The following CORIN variants were observed in gnomAD, a reference collection of about 807,000 sequenced individuals.
CORIN encodes the protein corin, serine peptidase, also known as atrial natriuretic peptide-converting enzyme.
A neutral mutation model predicts 125.3 loss-of-function variants in CORIN; 117 were observed. That is an observed-to-expected ratio of 0.93 (90% CI 0.80 to 1.09). CORIN has a LOEUF of 1.09. CORIN is among the 50% of genes least tolerant of loss of function. The probability of loss-of-function intolerance (pLI) is 0.00; values close to 1 mark genes in which losing one functional copy is unlikely to be tolerated. For missense variants in CORIN, 1,253 were observed against 1,306.7 expected, an observed-to-expected ratio of 0.96 and a Z score of 0.63; for synonymous variants, 450 against 466.4, an observed-to-expected ratio of 0.96 and a Z score of 0.45.
chr4:47,812,557 A>G (rs966606353), intron 1 of CORIN, among the ~76,000 whole-genome samples: 2 of 152,222 alleles, frequency 1.3e-5, no homozygotes, highest in South Asian at 2.1e-4. Context: ...AAAGGAAAGC[A>G]CTAGTTTCAG....
chr4:47,603,606 A>G lies in CORIN; in HGVS notation c.2603T>C (p.Val868Ala). Residue 868 changes from valine to alanine, a missense_variant, in exon 20 of 22, where the codon GTG becomes GCG. Transcript: ENST00000273857. ...LGINNLDHPSVFMQTRFVKTI... is the reference protein window; with the variant it reads ...LGINNLDHPSAFMQTRFVKTI... Reference sequence around the variant, plus strand: ...CTTCACAAAGCGTGTCTGCATGAACACTGATGGATGGTCTAGATTGTTGAT... The same window carrying G: ...CTTCACAAAGCGTGTCTGCATGAACGCTGATGGATGGTCTAGATTGTTGAT... 6.2e-7 allele frequency: 1 copy of G among 1,614,060 alleles called. No homozygotes were observed. Among genetic ancestry groups the G allele is most frequent in the East Asian group, 2.2e-5 (1 of 44,890 alleles).
intron 4 of CORIN, among the ~76,000 whole-genome samples, chr4:47,757,420 C>G (rs1729200841): frequency 6.6e-6 from 1 of 151,776 alleles, no homozygotes; most frequent in Non-Finnish European, 1.5e-5. Flanking sequence ...ATGGTGAAAC[C>G]CCATCTCCAC....
intron 6 of CORIN, among the ~76,000 whole-genome samples, chr4:47,689,381 A>G (rs1433272814): frequency 6.6e-6 from 1 of 152,220 alleles, no homozygotes; most frequent in Non-Finnish European, 1.5e-5. Context: ...CTAAGTTATC[A>G]GAGGCAGGAA....
intron 5 of CORIN, among the ~76,000 whole-genome samples, chr4:47,733,076 A>C (rs1433776197): frequency 6.6e-6 from 1 of 152,246 alleles, no homozygotes; most frequent in African/African-American, 2.4e-5. Flanking sequence ...TGCCTGGTAC[A>C]TAGAATATAC....
chr4:47,678,971 T>C (rs1725144145), intron 8 of CORIN, among the ~76,000 whole-genome samples: 1 of 152,238 alleles, frequency 6.6e-6, no homozygotes, highest in African/African-American at 2.4e-5. Flanking sequence ...TTGTGACTTT[T>C]TATATGACTT....
chr4:47,678,201 T>C lies in CORIN; in HGVS notation c.1133-147A>G, dbSNP rs114157797. ...ATGAACATATCATTGATTTTATTTC[T>C]AGAATTTTTCCTGCCTTATTGAACA... On this transcript the variant is annotated intron_variant, in intron 8 of 21. Transcript: ENST00000273857. The C allele has an allele frequency of 4.3e-4, 277 of 644,148 alleles. 2 individuals carry two copies. The African/African-American group carries it at 4.7e-3, about 11-fold the overall frequency. 39.9% of individuals were successfully genotyped at this position (644,148 alleles called of 1,614,324 possible). A position where few individuals can be genotyped will look rare whatever the true frequency, so the allele number is the denominator to read the frequency against.
At chr4:47,693,213 T>C in intron 5 of CORIN, 130 bp from the exon 6 acceptor site, 1 of 653,832 alleles carries the variant, frequency 1.5e-6, no homozygotes, top group East Asian at 2.7e-5. Flanking sequence ...CCCTCAGTTT[T>C]ATTGTCATCA....
intron 3 of CORIN, among the ~76,000 whole-genome samples, chr4:47,784,602 A>G (rs1364424287): frequency 6.6e-6 from 1 of 152,234 alleles, no homozygotes; most frequent in African/African-American, 2.4e-5. Context: ...CAAAATAAAG[A>G]CAAATGCACT....
At chr4:47,809,561 C>T (rs74724294) in intron 1 of CORIN, among the ~76,000 whole-genome samples, 8,306 of 152,014 alleles carry the variant, frequency 0.055, 284 homozygotes, top group Middle Eastern at 0.1. Flanking sequence ...CACACCACCA[C>T]TCCCGGCTAA....
At chr4:47,645,046 A>G (rs749573474) in intron 14 of CORIN, 35 bp downstream of exon 14, 3 of 1,238,398 alleles carry the variant, frequency 2.4e-6, no homozygotes, top group Non-Finnish European at 3.5e-6. Flanking sequence ...TTTAAAATAA[A>G]AATGCTCTGT....
rs113579781 is a variant in CORIN at position 47,763,852 on chromosome 4, C to T, written c.410-266G>A. Among the ~76,000 whole-genome samples, 110 of 151,700 alleles carry T rather than the reference C, an allele frequency of 7.3e-4. 1 individual carries two copies. Among genetic ancestry groups the T allele is most frequent in the African/African-American group, 2.5e-3 (104 of 41,376 alleles). On this transcript the variant is annotated intron_variant, in intron 3 of 21. Transcript: ENST00000273857. ...CATACATATCTAGTAGGCATATAAA[C>T]TGGCAATCACCTTTTCTTTTGGATC... is the stretch of plus-strand genomic sequence containing the variant.
At position 47,744,543 on chromosome 4, in the gene CORIN, T is replaced by C. The variant is rs371611138; in HGVS notation, c.658A>G (p.Lys220Glu). The C allele has an allele frequency of 5.0e-6, 8 of 1,613,124 alleles. No homozygotes were observed. The highest frequency in any genetic ancestry group is 6.8e-6 in the Non-Finnish European group (8 of 1,179,654). Residue 220 changes from lysine to glutamate, a missense_variant, in exon 5 of 22, where the codon AAA becomes GAA. Transcript: ENST00000273857. ...LPCRSFCEAAKEGCESVLGMV... is the reference protein window; with the variant it reads ...LPCRSFCEAAEEGCESVLGMV... ...CCCAGGACTGATTCACAGCCTTCTT[T>C]TGCAGCCTCACAGAAGGACCTACAG...
At chr4:47,705,866 G>C (rs2109767397) in intron 5 of CORIN, among the ~76,000 whole-genome samples, 1 of 152,220 alleles carries the variant, frequency 6.6e-6, no homozygotes, top group East Asian at 1.9e-4. Context: ...AACAGTATTT[G>C]AAAACCATCC....
At chr4:47,640,382 T>A (rs1374745592) in intron 16 of CORIN, among the ~76,000 whole-genome samples, 2 of 152,326 alleles carry the variant, frequency 1.3e-5, no homozygotes, top group Non-Finnish European at 1.5e-5. Context: ...AGAAACCAGA[T>A]GAAAAGGCCT....
intron 3 of CORIN, among the ~76,000 whole-genome samples, chr4:47,766,706 G>T (rs1018966243): frequency 1.3e-5 from 2 of 152,106 alleles, no homozygotes; most frequent in African/African-American, 2.4e-5. Flanking sequence ...AGCACTTTGG[G>T]AGGCTGAGGT....
At chr4:47,823,282 C>G (rs1382052419) in intron 1 of CORIN, among the ~76,000 whole-genome samples, 1 of 152,208 alleles carries the variant, frequency 6.6e-6, no homozygotes, top group Non-Finnish European at 1.5e-5. Flanking sequence ...CATGCCCCAT[C>G]ATTCTTTGAG....
chr4:47,697,250 C>A (rs970377636), intron 5 of CORIN, among the ~76,000 whole-genome samples: 1 of 152,110 alleles, frequency 6.6e-6, no homozygotes, highest in Non-Finnish European at 1.5e-5. Flanking sequence ...GGGTAAAAGA[C>A]AAGAGGTGAG....
At chr4:47,667,740 A>C (rs964330553) in intron 10 of CORIN, among the ~76,000 whole-genome samples, 7 of 152,198 alleles carry the variant, frequency 4.6e-5, no homozygotes, top group African/African-American at 1.7e-4. Context: ...AGGCTGGCAT[A>C]ATCTTGAGGA....
intron 1 of CORIN, among the ~76,000 whole-genome samples, chr4:47,807,992 C>T (rs1354025760): frequency 1.3e-5 from 2 of 152,198 alleles, no homozygotes; most frequent in Non-Finnish European, 2.9e-5. Flanking sequence ...TAACTACCTC[C>T]TGAATCTCTC....
Sources: allele counts gnomAD v4.1 joint callset (sites outside exome capture counted in the v4.1 genomes callset), GRCh38; gene constraint gnomAD v4.1.1; transcripts MANE v1.5; gene names NCBI Gene and HGNC (gene_info 2026-07-23, HGNC 2026-07-21).